Variants in MYO1A observed in about 807,000 individuals in gnomAD.
The protein encoded by MYO1A is myosin IA, also known as unconventional myosin-Ia.
MYO1A carries 127 observed loss-of-function variants against 138.5 expected under a neutral mutation model. That is an observed-to-expected ratio of 0.92 (90% CI 0.79 to 1.06). The LOEUF is 1.06. MYO1A is among the 50% of genes least tolerant of loss of function. MYO1A has a pLI of 0.00. For missense variants in MYO1A, 1,211 were observed against 1,288.8 expected (o/e 0.94, Z 0.92); for synonymous variants, 477 against 497.5 (o/e 0.96, Z 0.55).
chr12:57,046,158 C>T (rs1031919297), intron 8 of MYO1A, among the ~76,000 whole-genome samples: 4 of 152,190 alleles, frequency 2.6e-5, no homozygotes, highest in Admixed American at 1.3e-4. Context: ...TTCCTGAACA[C>T]TTACAACATT....
intron 10 of MYO1A, 33 bp downstream of exon 10, chr12:57,043,823 T>TG (rs2030972947): frequency 1.2e-6 from 2 of 1,613,836 alleles, no homozygotes; most frequent in Non-Finnish European, 1.7e-6. Context: ...ATTCAGGGTC[T>TG]GGGTAGGAGC....
In MYO1A at chr12:57,031,142, ATTGTTCTTC is replaced by A; in HGVS notation, c.2373_2381del (p.Lys792_Asn794del). The stretch of plus-strand genomic sequence containing the variant: ...TGTCTAAGACGTTTGTGGATGGCAA[ATTGTTCTTC>A]AGCCCCAGTAGGAATTTCTGTACCT... On this transcript the variant is annotated inframe_deletion, in exon 23 of 28. Coordinates refer to ENST00000300119, the MANE Select transcript of MYO1A (RefSeq NM_005379.4). The A allele has an allele frequency of 1.9e-6, 3 of 1,614,106 alleles. No homozygotes were observed. The highest frequency in any genetic ancestry group is 2.5e-6 in the Non-Finnish European group (3 of 1,180,014).
rs372183309 is a variant in MYO1A at position 57,030,165 on chromosome 12, T to G, written c.2591+45A>C. 4 of 1,526,432 alleles carry G rather than the reference T, an allele frequency of 2.6e-6. No individual in the cohort carries two copies. The African/African-American group carries it at 4.1e-5, about 16-fold the overall frequency. The allele number at this position is 1,526,432 out of a possible 1,614,324, so 94.6% of individuals were successfully genotyped here. ...CTAAGGCACGCTCAAGTTTGAGAAC[T>G]GCTGCGTGATGGAACTGGCTGTGCA... On this transcript the variant is annotated intron_variant, in intron 24 of 27. Transcript: ENST00000300119.
At chr12:57,050,152 A>G (rs1051906321), upstream of MYO1A, 5 of 152,292 alleles carry the variant, frequency 3.3e-5, no homozygotes, top group Non-Finnish European at 5.9e-5. Flanking sequence ...TGATCAGCAC[A>G]AAGTCCAGAC....
intron 22 of MYO1A, among the ~76,000 whole-genome samples, 192 bp from the exon 23 acceptor site, chr12:57,031,366 A>G (rs2136435348): frequency 6.6e-6 from 1 of 152,274 alleles, no homozygotes; most frequent in South Asian, 2.1e-4. Flanking sequence ...TGAGGCCGGG[A>G]GGTAAGAGCA....
chr12:57,030,752 G>A (rs994134430), intron 23 of MYO1A, among the ~76,000 whole-genome samples: 6 of 152,214 alleles, frequency 3.9e-5, no homozygotes, highest in Non-Finnish European at 8.8e-5. Context: ...GGGGCTAGGG[G>A]AATGGGAGAA....
Position 57,044,136 on chromosome 12 carries a change from C to T in MYO1A, c.714G>A (p.Met238Ile). ...LNHEVSRVDG[M>I]DDASSFRAVQ... ...CAGCCCTGAAGCTGGAGGCGTCGTC[C>T]ATGCCATCCACTCTGGATACTTCAT... Residue 238 changes from methionine (M) to isoleucine (I), a missense_variant, in exon 9 of 28, where the codon ATG becomes ATA. By Grantham distance (10) the Met-to-Ile change is conservative. Transcript: ENST00000300119. 1.2e-6 allele frequency: 2 copies of T among 1,614,180 alleles called. No individual in the cohort carries two copies. Among genetic ancestry groups the T allele is most frequent in the Non-Finnish European group, 1.7e-6 (2 of 1,180,040 alleles).
At chr12:57,043,012 T>C in intron 12 of MYO1A, 60 bp downstream of exon 12, 2 of 1,553,060 alleles carry the variant, frequency 1.3e-6, no homozygotes, top group Non-Finnish European at 1.8e-6. Flanking sequence ...ATAGGGCTGG[T>C]GACAGGGCAG....
At chr12:57,029,641 C>T (rs928512499) in intron 25 of MYO1A, 54 bp from the exon 26 acceptor site, 18 of 1,614,050 alleles carry the variant, frequency 1.1e-5, no homozygotes, top group Non-Finnish European at 1.5e-5. Flanking sequence ...GCCCCCACTC[C>T]ACCTGGCAGG....
At position 57,038,505 on chromosome 12, in the gene MYO1A, G is replaced by A. The variant is rs571906190; in HGVS notation, c.1667C>T (p.Ser556Phe). The A allele has an allele frequency of 3.7e-5, 59 of 1,614,238 alleles. No individual in the cohort carries two copies. The Admixed American group carries it at 8.7e-4, about 24-fold the overall frequency. Reference protein sequence around the residue: ...LFPEGNPKQASLKRPPTAGAQ... With the variant: ...LFPEGNPKQAFLKRPPTAGAQ... ...CCCAGCAGTCGGGGGGCGTTTGAGA[G>A]ATGCCTGCTTAGGATTGCCCTCAGG... Residue 556 changes from serine to phenylalanine, a missense_variant, in exon 17 of 28, where the codon TCT becomes TTT. By Grantham distance (155) the Ser-to-Phe change is radical (BLOSUM62 -2). Coordinates refer to ENST00000300119, the MANE Select transcript of MYO1A (RefSeq NM_005379.4).
intron 24 of MYO1A, 35 bp from the exon 25 acceptor site, chr12:57,029,907 G>T (rs776096514): frequency 6.2e-7 from 1 of 1,614,018 alleles, no homozygotes; most frequent in Admixed American, 1.7e-5. Flanking sequence ...GCGCGACAAG[G>T]CCCAGAGGCC....
chr12:57,048,440 T>C (rs939465871), intron 1 of MYO1A, 97 bp from the exon 2 acceptor site: 1 of 781,182 alleles, frequency 1.3e-6, no homozygotes, highest in Non-Finnish European at 2.2e-6. Flanking sequence ...AGAGCCTTCC[T>C]CTCTTCCTAC....
chr12:57,029,581 A>G lies in MYO1A; in HGVS notation c.2731T>C (p.Ser911Pro), dbSNP rs755531233. ...CCCTTGGTCAGGAGGAGAATCCGAG[A>G]AGAAGTCTAGGGACGGAACAGGCAA... ...KVNRGNGKTSSRILLLTKGHV... is the reference protein window; with the variant it reads ...KVNRGNGKTSPRILLLTKGHV... The change falls in exon 26 of 28, where the codon TCT (serine) becomes CCT (proline). Residue 911 changes from serine (S) to proline (P), a missense_variant. Transcript: ENST00000300119. 1.2e-6 allele frequency: 2 copies of G among 1,614,012 alleles called. No homozygotes were observed. The highest frequency in any genetic ancestry group is 1.3e-5 in the African/African-American group (1 of 74,926).
Position 57,039,405 on chromosome 12 carries a change from A to T in MYO1A, c.1270-131T>A, listed in dbSNP as rs1592477350. On this transcript the variant is annotated intron_variant, in intron 14 of 27. Coordinates refer to ENST00000300119, the MANE Select transcript of MYO1A (RefSeq NM_005379.4). ...CCCATAGTTCACAGGGGTCCTTGGTATGATTTCTATTTATGTCCCCATCCC... is the reference window on the plus strand; with the variant it reads ...CCCATAGTTCACAGGGGTCCTTGGTTTGATTTCTATTTATGTCCCCATCCC... 6 of 752,644 alleles carry T rather than the reference A, an allele frequency of 8.0e-6. No homozygotes were observed. The East Asian group carries it at 1.6e-4, about 20-fold the overall frequency. The allele number at this position is 752,644 out of a possible 1,614,324, so 46.6% of individuals were successfully genotyped here.
chr12:57,036,200 A>AGGAAACT, intron 22 of MYO1A, 107 bp downstream of exon 22: 1 of 1,126,486 alleles, frequency 8.9e-7, no homozygotes, highest in Non-Finnish European at 1.3e-6. Flanking sequence ...ATGCAGACTG[A>AGGAAACT]GGAAACTCTT....
At position 57,037,965 on chromosome 12, in the gene MYO1A, C is replaced by A. The variant is rs767694044; in HGVS notation, c.1865G>T (p.Arg622Leu). 5 of 1,614,134 alleles carry A rather than the reference C, an allele frequency of 3.1e-6. No individual in the cohort carries two copies. The South Asian group carries it at 5.5e-5, about 18-fold the overall frequency. Residue 622 changes from arginine (R) to leucine (L), a missense_variant, in exon 18 of 28, where the codon CGG (arginine) becomes CTG (leucine). Coordinates refer to ENST00000300119, the MANE Select transcript of MYO1A (RefSeq NM_005379.4). ...LGLLENVRVR[R>L]AGYAHRQGYG... ...ACCCTGGCGGTGGGCATAGCCTGCC[C>A]GTCGCACCCGTACGTTCTCCAGCAG...
intron 10 of MYO1A, 29 bp from the exon 11 acceptor site, chr12:57,043,387 C>T (rs895619443): frequency 1.2e-5 from 20 of 1,601,914 alleles, no homozygotes; most frequent in Non-Finnish European, 1.7e-5. Flanking sequence ...ACAGCATGTC[C>T]TTAGAGGCAG....
At chr12:57,041,157 G>A (rs761144435) in intron 14 of MYO1A, 27 bp downstream of exon 14, 1 of 1,559,108 alleles carries the variant, frequency 6.4e-7, no homozygotes, top group Non-Finnish European at 8.8e-7. Flanking sequence ...TTGTTTAAGA[G>A]GGGGAAGTAG....
chr12:57,029,607 G>A lies in MYO1A; in HGVS notation c.2725-20C>T. On this transcript the variant is annotated intron_variant, in intron 25 of 27. Transcript: ENST00000300119. ...AGAAGTCTAGGGACGGAACAGGCAA[G>A]GGTGAGGAAAGGCAGGATTAATTGC... 1 of 1,614,240 alleles carries A rather than the reference G, an allele frequency of 6.2e-7. No homozygotes were observed. Among genetic ancestry groups the A allele is most frequent in the South Asian group, 1.1e-5 (1 of 91,082 alleles).
Sources: allele counts gnomAD v4.1 joint callset (sites outside exome capture counted in the v4.1 genomes callset), GRCh38; gene constraint gnomAD v4.1.1; transcripts MANE v1.5; gene names NCBI Gene and HGNC (gene_info 2026-07-23, HGNC 2026-07-21).